Variants in STX8 observed in about 807,000 individuals in gnomAD.
STX8 encodes syntaxin 8.
A neutral mutation model predicts 37.5 loss-of-function variants in STX8; 23 were observed. That is an observed-to-expected ratio of 0.61 (90% CI 0.44 to 0.87). The LOEUF (loss-of-function observed/expected upper bound fraction) is 0.87, where lower values mean the gene tolerates loss of function less well. Among genes scored for constraint, STX8 ranks in the 40% least tolerant of loss-of-function variants. The pLI is 0.00. For missense variants in STX8, 313 were observed against 284.7 expected, an observed-to-expected ratio of 1.10 and a Z score of -0.71; for synonymous variants, 115 against 99.1, an observed-to-expected ratio of 1.16 and a Z score of -0.95.
At chr17:9,476,393 A>G (rs1906103768) in intron 6 of STX8, among the ~76,000 whole-genome samples, 1 of 152,128 alleles carries the variant, frequency 6.6e-6, no homozygotes, top group East Asian at 1.9e-4. Context: ...CTTTCTCACA[A>G]TTCTTGAGGC....
At chr17:9,275,904 G>T (rs1361426768) in intron 7 of STX8, among the ~76,000 whole-genome samples, 1 of 151,820 alleles carries the variant, frequency 6.6e-6, no homozygotes, top group African/African-American at 2.4e-5. Context: ...AAGGGCGGGG[G>T]ATAACAGTAG....
At chr17:9,524,965 G>A (rs1173394157) in intron 4 of STX8, among the ~76,000 whole-genome samples, 1 of 151,946 alleles carries the variant, frequency 6.6e-6, no homozygotes, top group African/African-American at 2.4e-5. Flanking sequence ...GCACCACCAT[G>A]TCTGGCTAAT....
chr17:9,322,099 C>CG (rs1464432033), intron 7 of STX8, among the ~76,000 whole-genome samples: 1 of 152,218 alleles, frequency 6.6e-6, no homozygotes, highest in Non-Finnish European at 1.5e-5. Context: ...AGAATACGTT[C>CG]GTCCCAGGGC....
At position 9,376,542 on chromosome 17, in the gene STX8, G is replaced by A. The variant is rs370982193; in HGVS notation, c.643+2010C>T. 2.6e-5 allele frequency among the ~76,000 whole-genome samples: 4 copies of A among 152,372 alleles called. No individual in the cohort carries two copies. In the East Asian group the frequency reaches 7.7e-4, roughly 29 times the overall value. On this transcript the variant is annotated intron_variant, in intron 7 of 7. Transcript: ENST00000306357. ...AGAGAGGAATAAAATCAGGCCACCT[G>A]AGGCAGCAACCCTGACCCGCTCGGG...
At chr17:9,311,830 T>C (rs994981804) in intron 7 of STX8, among the ~76,000 whole-genome samples, 1 of 152,102 alleles carries the variant, frequency 6.6e-6, no homozygotes, top group Non-Finnish European at 1.5e-5. Flanking sequence ...TTTATAAGTG[T>C]TAGTGTTAAA....
intron 6 of STX8, among the ~76,000 whole-genome samples, chr17:9,398,700 A>G (rs1912496875): frequency 6.6e-6 from 1 of 152,148 alleles, no homozygotes; most frequent in Non-Finnish European, 1.5e-5. Flanking sequence ...CTGTAAATCT[A>G]AAACTGTTCT....
chr17:9,436,255 GA>G (rs894971099), intron 6 of STX8, among the ~76,000 whole-genome samples: 1 of 151,204 alleles, frequency 6.6e-6, no homozygotes, highest in African/African-American at 2.4e-5. Context: ...TGAGGCAGGA[GA>G]ATGGCATGAA....
chr17:9,465,208 AC>A (rs1351030483), intron 6 of STX8, among the ~76,000 whole-genome samples: 3 of 151,558 alleles, frequency 2.0e-5, no homozygotes, highest in African/African-American at 7.3e-5. Flanking sequence ...TTTTTTTTTA[AC>A]TGAGGAAATG....
chr17:9,388,812 GAAAA>G (rs79059878), intron 6 of STX8, among the ~76,000 whole-genome samples: 1 of 108,026 alleles, frequency 9.3e-6, no homozygotes, highest in Non-Finnish European at 2.0e-5. Flanking sequence ...TCAAAAAAAA[GAAAA>G]AAAAAAAAAA....
At chr17:9,573,762 TAGTC>T (rs1226062200) in intron 1 of STX8, among the ~76,000 whole-genome samples, 1 of 152,128 alleles carries the variant, frequency 6.6e-6, no homozygotes, top group Admixed American at 6.5e-5. Context: ...GAAAGCCACT[TAGTC>T]AAACTGATTG....
chr17:9,395,729 A>G (rs1912378133), intron 6 of STX8, among the ~76,000 whole-genome samples: 1 of 152,186 alleles, frequency 6.6e-6, no homozygotes, highest in South Asian at 2.1e-4. Flanking sequence ...GGAAGCAAAT[A>G]CTTCATTACA....
intron 7 of STX8, among the ~76,000 whole-genome samples, chr17:9,256,990 C>G (rs1355411216): frequency 6.6e-6 from 1 of 152,248 alleles, no homozygotes; most frequent in African/African-American, 2.4e-5. Context: ...GCCCCCAACC[C>G]TAGCACAGAA....
intron 7 of STX8, among the ~76,000 whole-genome samples, chr17:9,374,320 G>A (rs1911513295): frequency 6.6e-6 from 1 of 152,120 alleles, no homozygotes; most frequent in South Asian, 2.1e-4. Context: ...GACCTCAGGT[G>A]ATCCACATGC....
At chr17:9,396,486 G>A (rs527979803) in intron 6 of STX8, among the ~76,000 whole-genome samples, 95 of 152,030 alleles carry the variant, frequency 6.2e-4, no homozygotes, top group African/African-American at 2.2e-3. Context: ...TGAGGTGGGC[G>A]GGTCATCTGA....
At chr17:9,395,791 C>T (rs1000299834) in intron 6 of STX8, among the ~76,000 whole-genome samples, 1 of 152,136 alleles carries the variant, frequency 6.6e-6, no homozygotes, top group African/African-American at 2.4e-5. Context: ...AGATCCAAGA[C>T]AATTATACCC....
chr17:9,555,851 G>A (rs375461760), intron 3 of STX8, among the ~76,000 whole-genome samples: 3 of 149,746 alleles, frequency 2.0e-5, no homozygotes, highest in Non-Finnish European at 4.4e-5. Context: ...AGCTGAGATC[G>A]CACCGCTGCA....
At chr17:9,533,371 G>A (rs1905896737) in intron 4 of STX8, among the ~76,000 whole-genome samples, 1 of 152,164 alleles carries the variant, frequency 6.6e-6, no homozygotes, top group Non-Finnish European at 1.5e-5. Flanking sequence ...GGGAGCTGAG[G>A]CAGGAGAATC....
At chr17:9,393,665 C>A (rs1237359831) in intron 6 of STX8, among the ~76,000 whole-genome samples, 1 of 152,026 alleles carries the variant, frequency 6.6e-6, no homozygotes, top group Non-Finnish European at 1.5e-5. Context: ...CTAGTTACCA[C>A]TAAAACAATC....
chr17:9,349,920 A>G (rs572386741), intron 7 of STX8, among the ~76,000 whole-genome samples: 1 of 152,208 alleles, frequency 6.6e-6, no homozygotes, highest in African/African-American at 2.4e-5. Flanking sequence ...TTTCTTTTGT[A>G]GAGATGGGGT....
Sources: gnomAD v4.1 joint callset for allele counts (sites outside exome capture counted in the v4.1 genomes callset) on GRCh38, gnomAD v4.1.1 for gene constraint, MANE v1.5 for transcripts, NCBI Gene and HGNC (gene_info 2026-07-23, HGNC 2026-07-21) for gene names.